LYN: variants seen among roughly 807,000 people sequenced by gnomAD.
LYN encodes LYN proto-oncogene, Src family tyrosine kinase, also known as tyrosine-protein kinase Lyn.
LYN carries 12 observed loss-of-function variants against 65.0 expected under a neutral mutation model. The ratio of observed to expected loss-of-function variants is 0.18; its 90% confidence interval spans 0.12 to 0.30. The LOEUF is 0.30. LYN is among the 10% of genes least tolerant of loss of function. The pLI is 1.00. For missense variants in LYN, 380 were observed against 623.2 expected (o/e 0.61, Z 4.16); for synonymous variants, 222 against 221.2 (o/e 1.00, Z -0.03).
chr8:55,924,259 G>A lies in LYN; in HGVS notation c.-5-17596G>A, dbSNP rs78063917. ...CAGGGCACCTCTGTGACTTCACCAT[G>A]GCACCGGGAGGGCCTCAAAACACAG... On this transcript the variant is annotated intron_variant, in intron 1 of 12. Transcript: ENST00000519728. 8.4e-3 allele frequency among the ~76,000 whole-genome samples: 1,283 copies of A among 152,186 alleles called. 14 individuals carry two copies. The highest frequency in any genetic ancestry group is 0.014 in the Non-Finnish European group (985 of 67,998).
chr8:55,975,613 T>C (rs1239217477), intron 10 of LYN, among the ~76,000 whole-genome samples: 1 of 152,244 alleles, frequency 6.6e-6, no homozygotes. Flanking sequence ...GGCACTTAAA[T>C]GCTCTATTTA....
At chr8:55,882,391 C>G (rs1563491504) in intron 1 of LYN, among the ~76,000 whole-genome samples, 1 of 152,190 alleles carries the variant, frequency 6.6e-6, no homozygotes. Context: ...TCACCAAAAA[C>G]ATCTGAGATT....
At chr8:55,911,285 A>ATTTTTTT (rs1209633804) in intron 1 of LYN, among the ~76,000 whole-genome samples, 1 of 27,784 alleles carries the variant, frequency 3.6e-5, no homozygotes, top group African/African-American at 1.7e-4. Context: ...ATATATATAT[A>ATTTTTTT]TTTTTTTTTT....
At chr8:56,002,212 G>A (rs1478118129) in intron 12 of LYN, among the ~76,000 whole-genome samples, 2 of 152,162 alleles carry the variant, frequency 1.3e-5, no homozygotes, top group African/African-American at 4.8e-5. Flanking sequence ...AAGGTCAGGA[G>A]ATCAAGACCA....
At chr8:55,965,172 A>G (rs1807411410) in intron 8 of LYN, among the ~76,000 whole-genome samples, 1 of 152,232 alleles carries the variant, frequency 6.6e-6, no homozygotes, top group Admixed American at 6.5e-5. Flanking sequence ...AAAGTGCTCA[A>G]TCCCAGTCCC....
chr8:56,008,123 A>AAAAAAAAAT (rs145011760), intron 12 of LYN, among the ~76,000 whole-genome samples: 36 of 140,774 alleles, frequency 2.6e-4, no homozygotes, highest in Admixed American at 3.6e-4. Flanking sequence ...TGCCTCAAAA[A>AAAAAAAAAT]AAAAATAAAA....
intron 11 of LYN, 130 bp downstream of exon 11, chr8:55,998,629 A>T: frequency 2.6e-6 from 2 of 767,544 alleles, no homozygotes; most frequent in Non-Finnish European, 2.1e-6. Flanking sequence ...AAGCTGTACC[A>T]TAATTGTCTG....
chr8:55,999,582 G>T, intron 12 of LYN, 33 bp downstream of exon 12: 1 of 1,605,258 alleles, frequency 6.2e-7, no homozygotes, highest in Non-Finnish European at 8.5e-7. Flanking sequence ...CAATCAAGCT[G>T]TATAAATGAG....
intron 10 of LYN, among the ~76,000 whole-genome samples, chr8:55,974,926 C>A (rs1807713805): frequency 6.6e-6 from 1 of 152,066 alleles, no homozygotes; most frequent in Non-Finnish European, 1.5e-5. Context: ...TGCGGTTTAA[C>A]CAGGAGGCCA....
intron 10 of LYN, among the ~76,000 whole-genome samples, chr8:55,991,818 C>T (rs1249944940): frequency 6.6e-6 from 1 of 152,148 alleles, no homozygotes; most frequent in Non-Finnish European, 1.5e-5. Context: ...ATGAAAAACA[C>T]AGAAACAGCA....
chr8:55,892,174 G>A (rs1164787478), intron 1 of LYN, among the ~76,000 whole-genome samples: 2 of 152,242 alleles, frequency 1.3e-5, no homozygotes, highest in Non-Finnish European at 2.9e-5. Context: ...TGTAATCCCA[G>A]CATTTTAGAA....
intron 1 of LYN, among the ~76,000 whole-genome samples, chr8:55,898,127 T>TC (rs1805169553): frequency 6.6e-6 from 1 of 150,378 alleles, no homozygotes; most frequent in African/African-American, 2.5e-5. Flanking sequence ...TGTGACACCC[T>TC]CCCCCCAAAA....
chr8:55,984,005 T>G (rs1808003407), intron 10 of LYN, among the ~76,000 whole-genome samples: 2 of 152,158 alleles, frequency 1.3e-5, no homozygotes, highest in African/African-American at 4.8e-5. Flanking sequence ...TCTTCCAGCT[T>G]CTGGCAGCTC....
intron 12 of LYN, among the ~76,000 whole-genome samples, chr8:56,001,068 G>A (rs917320475): frequency 1.3e-5 from 2 of 152,038 alleles, no homozygotes; most frequent in African/African-American, 4.8e-5. Flanking sequence ...GGGGTGGGGA[G>A]CTGCTGGTTT....
intron 1 of LYN, among the ~76,000 whole-genome samples, chr8:55,896,498 C>T (rs1032347469): frequency 7.9e-5 from 12 of 151,240 alleles, no homozygotes; most frequent in Non-Finnish European, 1.3e-4. Context: ...ACACCGGGGC[C>T]TGTCGGGGGG....
chr8:55,936,338 G>A (rs934904716), intron 1 of LYN, among the ~76,000 whole-genome samples: 3 of 152,160 alleles, frequency 2.0e-5, no homozygotes, highest in South Asian at 2.1e-4. Context: ...CCTTGCATCA[G>A]TAAAGAAGTG....
At chr8:55,942,898 T>C (rs994802662) in intron 2 of LYN, among the ~76,000 whole-genome samples, 2 of 152,078 alleles carry the variant, frequency 1.3e-5, no homozygotes, top group Admixed American at 6.6e-5. Context: ...TTTTGTTGTA[T>C]CATACTTTAT....
In LYN at chr8:56,011,239, A is replaced by T; in HGVS notation, c.*1129A>T. Reference sequence around the variant, plus strand: ...AATAAGCCACGGTGGCAGGAGGTTCAAGCGGTTCTGTTCACTAAATTTTTC... The same window carrying T: ...AATAAGCCACGGTGGCAGGAGGTTCTAGCGGTTCTGTTCACTAAATTTTTC... On this transcript the variant is annotated 3_prime_UTR_variant, in exon 13 of 13. Transcript: ENST00000519728. 1 of 227,008 alleles carries T rather than the reference A, an allele frequency of 4.4e-6. No individual in the cohort carries two copies. The highest frequency in any genetic ancestry group is 8.8e-6 in the Non-Finnish European group (1 of 114,214). The allele number at this position is 227,008 out of a possible 1,614,324, so 14.1% of individuals were successfully genotyped here. A position where few individuals can be genotyped will look rare whatever the true frequency, so the allele number is the denominator to read the frequency against.
intron 1 of LYN, among the ~76,000 whole-genome samples, chr8:55,903,240 A>C (rs915258358): frequency 3.3e-5 from 5 of 152,060 alleles, no homozygotes; most frequent in South Asian, 4.1e-4. Flanking sequence ...TGATTCGCCC[A>C]CCTCAGCCTC....
Sources: gnomAD v4.1 joint callset for allele counts (sites outside exome capture counted in the v4.1 genomes callset) on GRCh38, gnomAD v4.1.1 for gene constraint, MANE v1.5 for transcripts, NCBI Gene and HGNC (gene_info 2026-07-23, HGNC 2026-07-21) for gene names.